The following LRRC71 variants were observed in gnomAD, a reference collection of about 807,000 sequenced individuals.
LRRC71 encodes leucine rich repeat containing 71.
A neutral mutation model predicts 66.6 loss-of-function variants in LRRC71; 54 were observed. The observed-to-expected ratio is 0.81, with a 90% CI of 0.65 to 1.02. LRRC71 has a LOEUF of 1.02. LRRC71 is among the 50% of genes least tolerant of loss of function. The probability of loss-of-function intolerance (pLI) is 0.00; values close to 1 mark genes in which losing one functional copy is unlikely to be tolerated. For missense variants in LRRC71, 724 were observed against 718.0 expected (o/e 1.01, Z -0.10); for synonymous variants, 323 against 303.9 (o/e 1.06, Z -0.65).
chr1:156,932,778 G>A (rs977508150), intron 14 of LRRC71, 75 bp from the exon 15 acceptor site: 8 of 1,458,880 alleles, frequency 5.5e-6, no homozygotes, highest in Non-Finnish European at 7.5e-6. Context: ...CCTGCCCCAG[G>A]ACCATTTTTT....
chr1:156,938,077 G>A (rs574924441), downstream of LRRC71, among the ~76,000 whole-genome samples: 1 of 152,220 alleles, frequency 6.6e-6, no homozygotes, highest in Non-Finnish European at 1.5e-5. Flanking sequence ...CACTGGAGCG[G>A]CGGCTGAGGT....
At position 156,932,419 on chromosome 1, in the gene LRRC71, A is replaced by T. The variant is rs746010204; in HGVS notation, c.1442-5A>T. 2 of 1,611,922 alleles carry T rather than the reference A, an allele frequency of 1.2e-6. No homozygotes were observed. The highest frequency in any genetic ancestry group is 2.2e-5 in the East Asian group (1 of 44,850). On this transcript the variant is annotated splice_polypyrimidine_tract_variant and splice_region_variant and intron_variant, in intron 13 of 14. Transcript: ENST00000337428. ...AAGAGGCCACCTGTCTGTAACTTCC[A>T]CCAGGGAACCGCATCACAGAGGTGG...
downstream of LRRC71, chr1:156,934,871 A>G (rs180839422): frequency 1.3e-5 from 2 of 151,270 alleles, no homozygotes; most frequent in African/African-American, 4.8e-5. Flanking sequence ...TAAAAAAAAA[A>G]TCTTAACCAT....
intron 13 of LRRC71, 163 bp downstream of exon 13, chr1:156,932,190 G>A: frequency 4.4e-6 from 3 of 689,644 alleles, no homozygotes; most frequent in Non-Finnish European, 5.0e-6. Flanking sequence ...GCCAGAGGAA[G>A]TGCTGAGTCT....
downstream of LRRC71, chr1:156,937,037 A>G (rs769482194): frequency 6.2e-7 from 1 of 1,605,474 alleles, no homozygotes; most frequent in Non-Finnish European, 8.5e-7. Flanking sequence ...TGTCTGCTCG[A>G]GTCCTTCTAT....
At chr1:156,935,921 C>T, downstream of LRRC71, 6 of 1,457,460 alleles carry the variant, frequency 4.1e-6, no homozygotes, top group Non-Finnish European at 5.6e-6. Flanking sequence ...GTGTTGGGAT[C>T]CCCCCTACCC....
chr1:156,936,242 A>G (rs772338606), downstream of LRRC71: 5 of 779,144 alleles, frequency 6.4e-6, 1 homozygote, highest in South Asian at 2.7e-5. Flanking sequence ...ATCAGCGCCT[A>G]AAGCCCTTAG....
chr1:156,931,744 CA>C (rs147728214), intron 12 of LRRC71, among the ~76,000 whole-genome samples, 171 bp from the exon 13 acceptor site: 5,868 of 152,214 alleles, frequency 0.039, 409 homozygotes, highest in African/African-American at 0.13. Context: ...CTCCTCCACA[CA>C]AAGGAGCTTC....
At chr1:156,929,497 AGGT>A in intron 10 of LRRC71, 68 bp downstream of exon 10, 1 of 1,598,954 alleles carries the variant, frequency 6.3e-7, no homozygotes, top group Non-Finnish European at 8.5e-7. Context: ...TCATGTACAG[AGGT>A]GGTGGAGGGA....
chr1:156,938,330 G>C, the LRRC71 span: 1 of 1,265,334 alleles, frequency 7.9e-7, no homozygotes, highest in Non-Finnish European at 1.1e-6. Context: ...GGGTGTGTGT[G>C]TGACCATGGG....
Position 156,920,849 on chromosome 1 carries a change from C to G in LRRC71, c.46C>G (p.Arg16Gly), listed in dbSNP as rs1209763909. Residue 16 changes from arginine to glycine, a missense_variant, in exon 1 of 15, where the codon CGT (arginine) becomes GGT (glycine). By Grantham distance (125) the Arg-to-Gly change is moderately radical (BLOSUM62 -2). Transcript: ENST00000337428. This position sits in a 1 kb window ranked among gnomAD's most constrained non-coding sequence, Gnocchi z 4.9. ...SAPGASPRAP[R>G]PGTQKSSGAV... Reference sequence around the variant, plus strand: ...GCCGGGGGCCTCACCCAGGGCCCCGCGTCCGGGGACCCAGAAGTCTTCTGG... The same window carrying G: ...GCCGGGGGCCTCACCCAGGGCCCCGGGTCCGGGGACCCAGAAGTCTTCTGG... 1 of 1,537,374 alleles carries G rather than the reference C, an allele frequency of 6.5e-7. No homozygotes were observed. The highest frequency in any genetic ancestry group is 2.0e-5 in the Admixed American group (1 of 49,770).
At chr1:156,931,843 ATG>A in intron 12 of LRRC71, 71 bp from the exon 13 acceptor site, 2 of 1,085,140 alleles carry the variant, frequency 1.8e-6, no homozygotes. Flanking sequence ...TGTATGTTGA[ATG>A]AATGAATGAA....
Position 156,927,234 on chromosome 1 carries a change from A to T in LRRC71, c.626A>T (p.Glu209Val), listed in dbSNP as rs904673095. 1 of 1,613,510 alleles carries T rather than the reference A, an allele frequency of 6.2e-7. No homozygotes were observed. Among genetic ancestry groups the T allele is most frequent in the Non-Finnish European group, 8.5e-7 (1 of 1,179,790 alleles). Residue 209 changes from glutamate to valine, a missense_variant, in exon 6 of 15, where the codon GAG (glutamate) becomes GTG (valine). Coordinates refer to ENST00000337428, the MANE Select transcript of LRRC71 (RefSeq NM_144702.3). Reference sequence around the variant, plus strand: ...TCTCTGGAGGGGAACCCACTGCCGGAGCAGTCCTATCACAAGCTCATGGCC... The same window carrying T: ...TCTCTGGAGGGGAACCCACTGCCGGTGCAGTCCTATCACAAGCTCATGGCC... ...KVSLEGNPLP[E>V]QSYHKLMALD...
At chr1:156,939,187 T>G in the LRRC71 span, 2 of 289,544 alleles carry the variant, frequency 6.9e-6, no homozygotes. Flanking sequence ...CTGAGAAGAG[T>G]GGCTCTTTTC....
chr1:156,937,879 G>C (rs1183314595), downstream of LRRC71, among the ~76,000 whole-genome samples: 1 of 152,186 alleles, frequency 6.6e-6, no homozygotes, highest in Non-Finnish European at 1.5e-5. Flanking sequence ...CCTGACTCCA[G>C]CTCTGGATGA....
chr1:156,922,992 C>T (rs947495294), intron 1 of LRRC71, among the ~76,000 whole-genome samples: 2 of 152,234 alleles, frequency 1.3e-5, no homozygotes, highest in African/African-American at 4.8e-5. Flanking sequence ...CCTTCTCTTA[C>T]CTGCTTCGCC....
chr1:156,921,047 A>G (rs946528547), intron 1 of LRRC71, 84 bp downstream of exon 1: 3 of 1,393,170 alleles, frequency 2.2e-6, no homozygotes, highest in Non-Finnish European at 2.8e-6. Flanking sequence ...CTCCAAGGTT[A>G]TGGCTGAACT....
At position 156,927,935 on chromosome 1, in the gene LRRC71, G is replaced by GAC; in HGVS notation, c.934_935dup (p.Glu313ProfsTer40). 1 of 1,612,094 alleles carries GAC rather than the reference G, an allele frequency of 6.2e-7. No individual in the cohort carries two copies. The highest frequency in any genetic ancestry group is 8.5e-7 in the Non-Finnish European group (1 of 1,179,316). On this transcript the variant is annotated frameshift_variant, in exon 9 of 15. Transcript: ENST00000337428. LOFTEE classifies it high-confidence loss of function. The stretch of plus-strand genomic sequence containing the variant: ...TTCAGGTCCTGCGCGCCTTCGAGCT[G>GAC]ACACACACCGAAGTGGTGGAGCGCC...
the LRRC71 span, chr1:156,938,797 G>A: frequency 0.024 from 10,309 of 428,946 alleles, 195 homozygotes; most frequent in South Asian, 0.052. Flanking sequence ...GGGAGGCAGA[G>A]TGGAATCCCA....
Sources: allele counts gnomAD v4.1 joint callset (sites outside exome capture counted in the v4.1 genomes callset), GRCh38; gene constraint gnomAD v4.1.1; non-coding constraint Gnocchi (gnomAD v3.1); transcripts MANE v1.5; gene names NCBI Gene and HGNC (gene_info 2026-07-23, HGNC 2026-07-21).